CEP97: variants seen among roughly 807,000 people sequenced by gnomAD.
CEP97 encodes the protein centrosomal protein 97, also known as centrosomal protein of 97 kDa.
A neutral mutation model predicts 73.1 loss-of-function variants in CEP97; 43 were observed. The observed-to-expected ratio is 0.59, with a 90% confidence interval of 0.46 to 0.76. CEP97 has a LOEUF of 0.76. Ranked by LOEUF, CEP97 falls within the 30% of genes least tolerant of loss-of-function variation. The pLI is 0.00. For synonymous variants in CEP97, 337 were observed against 370.0 expected, an observed-to-expected ratio of 0.91 and a Z score of 1.02; for missense variants, 939 against 1,014.0, an observed-to-expected ratio of 0.93 and a Z score of 1.00.
intron 10 of CEP97, among the ~76,000 whole-genome samples, chr3:101,762,921 T>C (rs1939210167): frequency 6.6e-6 from 1 of 152,216 alleles, no homozygotes; most frequent in African/African-American, 2.4e-5. Flanking sequence ...TAAGATGGTA[T>C]ATGACTACAA....
intron 6 of CEP97, among the ~76,000 whole-genome samples, chr3:101,742,051 AAAAC>A (rs1938475744): frequency 7.1e-6 from 1 of 140,398 alleles, no homozygotes; most frequent in Non-Finnish European, 1.6e-5. Flanking sequence ...CAAAAAAAAA[AAAAC>A]AAAAAAACAA....
chr3:101,742,248 G>A (rs1026394104), intron 6 of CEP97, among the ~76,000 whole-genome samples: 1 of 151,784 alleles, frequency 6.6e-6, no homozygotes, highest in Non-Finnish European at 1.5e-5. Context: ...TATACCCAAA[G>A]GATTATAAAT....
chr3:101,758,513 T>G, intron 9 of CEP97, 90 bp downstream of exon 9: 1 of 1,464,186 alleles, frequency 6.8e-7, no homozygotes, highest in Non-Finnish European at 9.3e-7. Flanking sequence ...CTTCTGTGAT[T>G]ATAACACTTT....
At chr3:101,732,184 A>G (rs1458309334) in intron 5 of CEP97, among the ~76,000 whole-genome samples, 1 of 152,192 alleles carries the variant, frequency 6.6e-6, no homozygotes, top group African/African-American at 2.4e-5. Context: ...GATTGGTGGT[A>G]GAGGGACATC....
Position 101,758,176 on chromosome 3 carries a change from G to A in CEP97, c.1570G>A (p.Glu524Lys). The A allele has an allele frequency of 6.2e-7, 1 of 1,613,276 alleles. No individual in the cohort carries two copies. Among genetic ancestry groups the A allele is most frequent in the Non-Finnish European group, 8.5e-7 (1 of 1,179,866 alleles). The change falls in exon 9 of 11, where the codon GAA becomes AAA. Residue 524 changes from glutamate (E) to lysine (K), a missense_variant. Coordinates refer to ENST00000341893, the MANE Select transcript of CEP97 (RefSeq NM_024548.4). ...AAAGAAACCAGAAAATACACAACCA[G>A]AAAATAAAGAAACCATATCTCAAGC... is the stretch of plus-strand genomic sequence containing the variant. Reference protein sequence around the residue: ...DIKKPENTQPENKETISQATS... With the variant: ...DIKKPENTQPKNKETISQATS...
intron 4 of CEP97, among the ~76,000 whole-genome samples, chr3:101,730,903 G>C (rs1438988949): frequency 6.6e-6 from 1 of 151,596 alleles, no homozygotes; most frequent in African/African-American, 2.4e-5. Flanking sequence ...GATGTAGCCA[G>C]ATGTTGTCCT....
rs960577699 is a variant in CEP97, at chr3:101,766,776, C to T, written c.*1225C>T. On this transcript the variant is annotated 3_prime_UTR_variant, in exon 11 of 11. Transcript: ENST00000341893. ...TGGTTTCCCTCAACTTACAGACATACAGCTATTTAAAACTATGGCAATACT... is the reference window on the plus strand; with the variant it reads ...TGGTTTCCCTCAACTTACAGACATATAGCTATTTAAAACTATGGCAATACT... 2 of 152,154 alleles carry T rather than the reference C, an allele frequency of 1.3e-5. No homozygotes were observed. Among genetic ancestry groups the T allele is most frequent in the African/African-American group, 4.8e-5 (2 of 41,410 alleles). 9.4% of individuals were successfully genotyped at this position (152,154 alleles called of 1,614,324 possible). A position where few individuals can be genotyped will look rare whatever the true frequency, so the allele number is the denominator to read the frequency against.
Position 101,727,466 on chromosome 3 carries a change from T to C in CEP97, c.270T>C (p.Asn90=). The C allele has an allele frequency of 6.2e-7, 1 of 1,614,018 alleles. No homozygotes were observed. Among genetic ancestry groups the C allele is most frequent in the Non-Finnish European group, 8.5e-7 (1 of 1,179,922 alleles). ...TTCGTGTATTAAATTTGCCTCATAATAGCATTGGCTGTGTGGAAGGGCTAA... is the reference window on the plus strand; with the variant it reads ...TTCGTGTATTAAATTTGCCTCATAACAGCATTGGCTGTGTGGAAGGGCTAA... ...TLLRVLNLPH[N]SIGCVEGLKE... is the part of the protein sequence containing the mutation. The change falls in exon 3 of 11, where the codon AAT becomes AAC. Residue 90 remains asparagine (N), a synonymous_variant. Transcript: ENST00000341893.
At chr3:101,736,401 C>T (rs1378566663) in intron 6 of CEP97, among the ~76,000 whole-genome samples, 1 of 152,214 alleles carries the variant, frequency 6.6e-6, no homozygotes, top group African/African-American at 2.4e-5. Flanking sequence ...TGTCTCCTGA[C>T]TGGGAGACAT....
intron 6 of CEP97, among the ~76,000 whole-genome samples, chr3:101,749,010 A>G (rs1238766757): frequency 1.3e-5 from 2 of 152,174 alleles, no homozygotes; most frequent in East Asian, 3.8e-4. Context: ...TATTGTTATT[A>G]TACTTTAAGT....
At chr3:101,728,813 G>C (rs758417383) in intron 3 of CEP97, 23 bp from the exon 4 acceptor site, 1 of 1,432,054 alleles carries the variant, frequency 7.0e-7, no homozygotes, top group South Asian at 1.2e-5. Flanking sequence ...TCATTAAATA[G>C]TGTGATGCTT....
chr3:101,755,385 A>G, intron 6 of CEP97, 45 bp from the exon 7 acceptor site: 1 of 1,547,716 alleles, frequency 6.5e-7, no homozygotes, highest in Non-Finnish European at 8.9e-7. Context: ...ATGTGTGTTG[A>G]CTATTCTCAT....
intron 10 of CEP97, chr3:101,763,329 TGG>T: frequency 1.6e-6 from 1 of 635,030 alleles, no homozygotes; most frequent in South Asian, 3.1e-5. Context: ...TGGAATACCA[TGG>T]AATAGTTAAA....
chr3:101,740,877 G>A (rs954390090), intron 6 of CEP97, among the ~76,000 whole-genome samples: 1 of 151,992 alleles, frequency 6.6e-6, no homozygotes, highest in African/African-American at 2.4e-5. Context: ...GCGTGAGCCA[G>A]CGCACCCGGT....
intron 6 of CEP97, among the ~76,000 whole-genome samples, chr3:101,747,336 T>G (rs1365870038): frequency 1.3e-5 from 2 of 149,246 alleles, no homozygotes; most frequent in Non-Finnish European, 3.0e-5. Context: ...CTCGGCTCAC[T>G]GCAAGCTCTG....
In CEP97 at chr3:101,770,223, C is replaced by G. The variant is rs572175556; in HGVS notation, c.*4672C>G. 6.6e-6 allele frequency: 1 copy of G among 152,348 alleles called. No homozygotes were observed. The highest frequency in any genetic ancestry group is 1.5e-5 in the Non-Finnish European group (1 of 68,088). 9.4% of individuals were successfully genotyped at this position (152,348 alleles called of 1,614,324 possible). A position where few individuals can be genotyped will look rare whatever the true frequency, so the allele number is the denominator to read the frequency against. On this transcript the variant is annotated 3_prime_UTR_variant, in exon 11 of 11. Transcript: ENST00000341893. The stretch of plus-strand genomic sequence containing the variant: ...TATTTTTAGTAGAGATGGGGTTTCA[C>G]CATGTTGGCCAGGATGGTCTCAATC...
rs1939284834 is a variant in CEP97 at position 101,765,278 on chromosome 3, T to A, written c.2325T>A (p.Tyr775Ter). Residue 775 changes from tyrosine (Y) to a stop codon, truncating the protein, a stop_gained, in exon 11 of 11, where the codon TAT becomes TAA. Coordinates refer to ENST00000341893, the MANE Select transcript of CEP97 (RefSeq NM_024548.4). LOFTEE classifies it low-confidence loss of function (END_TRUNC). Reference protein sequence around the residue: ...NEQDNSLLEQYLTSVQQLEDA... With the variant: ...NEQDNSLLEQ ...AGGACAATAGTCTGCTTGAACAGTA[T>A]TTAACTTCAGTTCAACAGCTGGAAG... 3.7e-6 allele frequency: 6 copies of A among 1,614,056 alleles called. No individual in the cohort carries two copies. The highest frequency in any genetic ancestry group is 4.2e-6 in the Non-Finnish European group (5 of 1,180,038).
intron 9 of CEP97, among the ~76,000 whole-genome samples, chr3:101,761,989 C>A (rs1423369870): frequency 6.6e-6 from 1 of 152,128 alleles, no homozygotes; most frequent in Non-Finnish European, 1.5e-5. Context: ...CCTGGGGAAA[C>A]AGAATAGTGA....
chr3:101,738,011 C>CAAAAAAA (rs770745532), intron 6 of CEP97, among the ~76,000 whole-genome samples: 9 of 44,212 alleles, frequency 2.0e-4, no homozygotes, highest in African/African-American at 2.0e-4. Context: ...AAATGGAAAG[C>CAAAAAAA]AAAAAAAAAA....
Sources: gnomAD v4.1 joint callset for allele counts (sites outside exome capture counted in the v4.1 genomes callset) on GRCh38, gnomAD v4.1.1 for gene constraint, MANE v1.5 for transcripts, NCBI Gene and HGNC (gene_info 2026-07-23, HGNC 2026-07-21) for gene names.